The following TMEM214 variants were observed in gnomAD, a reference collection of about 807,000 sequenced individuals.
TMEM214 encodes the protein transmembrane protein 214.
Under a neutral mutation model 89.8 loss-of-function variants are expected in TMEM214, and 71 were observed. The ratio of observed to expected loss-of-function variants is 0.79; its 90% CI spans 0.65 to 0.96. The LOEUF is 0.96. Ranked by LOEUF, TMEM214 falls within the 40% of genes least tolerant of loss-of-function variation. The probability of loss-of-function intolerance (pLI) is 0.00; values close to 1 mark genes in which losing one functional copy is unlikely to be tolerated. For missense variants in TMEM214, 754 were observed against 843.4 expected, an observed-to-expected ratio of 0.89 and a Z score of 1.31; for synonymous variants, 332 against 349.5, an observed-to-expected ratio of 0.95 and a Z score of 0.56.
intron 13 of TMEM214, 91 bp downstream of exon 13, chr2:27,039,255 T>C: frequency 8.9e-7 from 1 of 1,123,648 alleles, no homozygotes; most frequent in Non-Finnish European, 1.3e-6. Context: ...AGCACACATC[T>C]TTGTCCTGAC....
chr2:27,036,727 T>A lies in TMEM214; in HGVS notation c.849T>A (p.Pro283=). Residue 283 remains proline (P), a synonymous_variant, in exon 7 of 17, where the codon CCT becomes CCA. Coordinates refer to ENST00000238788, the MANE Select transcript of TMEM214 (RefSeq NM_017727.5). Reference sequence around the variant, plus strand: ...CAGTGTGGCTGGGGATCATGCTGCCTGTGCTGGGCATCAAGTCTCTGTCTC... The same window carrying A: ...CAGTGTGGCTGGGGATCATGCTGCCAGTGCTGGGCATCAAGTCTCTGTCTC... The part of the protein sequence containing the change: ...GLKVWLGIML[P]VLGIKSLSPF... 1 of 1,614,182 alleles carries A rather than the reference T, an allele frequency of 6.2e-7. No homozygotes were observed. Among genetic ancestry groups the A allele is most frequent in the East Asian group, 2.2e-5 (1 of 44,886 alleles).
intron 2 of TMEM214, 191 bp downstream of exon 2, chr2:27,034,457 G>A: frequency 1.6e-6 from 1 of 639,974 alleles, no homozygotes. Context: ...AAAGGAAATG[G>A]AAAATTTATA....
rs763129736 is a variant in TMEM214, at chr2:27,036,031, T to G, written c.699T>G (p.Ile233Met). 7.5e-5 allele frequency: 121 copies of G among 1,614,050 alleles called. No individual in the cohort carries two copies. Among genetic ancestry groups the G allele is most frequent in the Non-Finnish European group, 1.0e-4 (118 of 1,180,036 alleles). The change falls in exon 5 of 17, where the codon ATT becomes ATG. Residue 233 changes from isoleucine to methionine, a missense_variant. Coordinates refer to ENST00000238788, the MANE Select transcript of TMEM214 (RefSeq NM_017727.5). ...CCATCCTGCAAGACAAGCCCAAGAT[T>G]GCCACGGCAAACCTAGGCAAGGTGA... ...IQAILQDKPK[I>M]ATANLGKFLE... is the part of the protein sequence containing the mutation.
chr2:27,033,087 C>T lies in TMEM214; in HGVS notation c.72C>T (p.Ala24=), dbSNP rs1667402655. Residue 24 remains alanine, a synonymous_variant, in exon 1 of 17, where the codon GCC becomes GCT. Transcript: ENST00000238788. The part of the protein sequence containing the change: ...VKKGRRPGVG[A]GAGGRGGGRN... ...AGGGTCGGCGGCCTGGGGTCGGCGC[C>T]GGCGCCGGCGGCCGAGGAGGCGGCA... 8.0e-7 allele frequency: 1 copy of T among 1,247,470 alleles called. No individual in the cohort carries two copies. The highest frequency in any genetic ancestry group is 1.0e-6 in the Non-Finnish European group (1 of 987,910). The allele number at this position is 1,247,470 out of a possible 1,614,324, so 77.3% of individuals were successfully genotyped here. A position where few individuals can be genotyped will look rare whatever the true frequency, so the allele number is the denominator to read the frequency against.
intron 13 of TMEM214, chr2:27,039,531 G>A (rs958023174): frequency 6.6e-6 from 4 of 607,860 alleles, no homozygotes; most frequent in South Asian, 2.0e-5. Context: ...GGCTCCAACC[G>A]GCAGCTGCAT....
rs760900172 is a variant in TMEM214, at chr2:27,038,312, G to A, written c.1244+75G>A. 185 of 1,572,860 alleles carry A rather than the reference G, an allele frequency of 1.2e-4. 1 individual carries two copies. Among genetic ancestry groups the A allele is most frequent in the Non-Finnish European group, 1.4e-4 (157 of 1,145,172 alleles). On this transcript the variant is annotated intron_variant, in intron 10 of 16. Coordinates refer to ENST00000238788, the MANE Select transcript of TMEM214 (RefSeq NM_017727.5). This position sits in a 1 kb window ranked among gnomAD's most constrained non-coding sequence, Gnocchi z 4.4. ...AGCCTGGGTCACTGTCCCATGGCCT[G>A]ACACCTTTCAGGCTGAGTGGGAACA... is the stretch of plus-strand genomic sequence containing the variant.
rs376407299 is a variant in TMEM214, at chr2:27,038,759, C to T, written c.1351C>T (p.Leu451=). Residue 451 remains leucine (L), a synonymous_variant, in exon 12 of 17, where the codon CTG becomes TTG. Transcript: ENST00000238788. This position sits in a 1 kb window ranked among gnomAD's most constrained non-coding sequence, Gnocchi z 4.4. ...CCTCAAGCTTACCAACCAGGAGCTG[C>T]TGAGGAAGGGTAGCAGTAACAACCA... ...QSLKLTNQEL[L]RKGSSNNQDV... 3.1e-4 allele frequency: 501 copies of T among 1,614,084 alleles called. 2 individuals carry two copies. Among genetic ancestry groups the T allele is most frequent in the Non-Finnish European group, 3.6e-4 (429 of 1,180,028 alleles).
chr2:27,040,838 GCC>G lies in TMEM214; in HGVS notation c.*3_*4del. The G allele has an allele frequency of 2.5e-6, 4 of 1,612,240 alleles. No homozygotes were observed. Among genetic ancestry groups the G allele is most frequent in the Non-Finnish European group, 3.4e-6 (4 of 1,178,452 alleles). The stretch of plus-strand genomic sequence containing the variant: ...ACTTGCCCTGATATCCCAGCAGTAG[GCC>G]CTGCCTTCCTGGCCACTGATTTCTG... On this transcript the variant is annotated 3_prime_UTR_variant, in exon 17 of 17. Coordinates refer to ENST00000238788, the MANE Select transcript of TMEM214 (RefSeq NM_017727.5).
chr2:27,040,323 C>T (rs1216690592), intron 15 of TMEM214, 22 bp from the exon 16 acceptor site: 106 of 1,613,680 alleles, frequency 6.6e-5, no homozygotes, highest in Non-Finnish European at 9.0e-5. Context: ...TACTCTGACC[C>T]CATCCATTCT....
Position 27,041,059 on chromosome 2 carries a change from C to A in TMEM214, c.*222C>A. 1.8e-6 allele frequency: 1 copy of A among 554,618 alleles called. No homozygotes were observed. Among genetic ancestry groups the A allele is most frequent in the Non-Finnish European group, 3.2e-6 (1 of 314,436 alleles). 34.4% of individuals were successfully genotyped at this position (554,618 alleles called of 1,614,324 possible). A position where few individuals can be genotyped will look rare whatever the true frequency, so the allele number is the denominator to read the frequency against. ...ACAATTCCACTGAACACTTTTCTGG[C>A]CCTACTGCACATGGCCCCCAGCCTC... On this transcript the variant is annotated 3_prime_UTR_variant, in exon 17 of 17. Coordinates refer to ENST00000238788, the MANE Select transcript of TMEM214 (RefSeq NM_017727.5).
At chr2:27,036,081 A>G in intron 5 of TMEM214, 29 bp downstream of exon 5, 5 of 1,607,954 alleles carry the variant, frequency 3.1e-6, no homozygotes, top group Non-Finnish European at 2.6e-6. Context: ...TGGGGATGCT[A>G]GGAAGCTAGG....
chr2:27,040,793 G>A lies in TMEM214; in HGVS notation c.2026G>A (p.Val676Met), dbSNP rs1667805248. 3 of 1,614,098 alleles carry A rather than the reference G, an allele frequency of 1.9e-6. No individual in the cohort carries two copies. The African/African-American group carries it at 4.0e-5, about 22-fold the overall frequency. Residue 676 changes from valine (V) to methionine (M), a missense_variant, in exon 17 of 17, where the codon GTG becomes ATG. Val to Met is a conservative substitution (Grantham distance 21). Transcript: ENST00000238788. Reference sequence around the variant, plus strand: ...CTGGCTTTGCCTACAGGACATTACAGTGGCTTTCTTGGACTGGGCACTTGC... The same window carrying A: ...CTGGCTTTGCCTACAGGACATTACAATGGCTTTCTTGGACTGGGCACTTGC... ...WTWLCLQDIT[V>M]AFLDWALALI...
At chr2:27,037,461 A>G (rs945695885) in intron 8 of TMEM214, 100 bp from the exon 9 acceptor site, 44 of 1,461,528 alleles carry the variant, frequency 3.0e-5, no homozygotes, top group Non-Finnish European at 3.8e-5. Flanking sequence ...CTCAGTGGCT[A>G]TTCCCCACAG....
chr2:27,039,216 A>G (rs749542881), intron 13 of TMEM214, 52 bp downstream of exon 13: 6 of 1,490,986 alleles, frequency 4.0e-6, no homozygotes, highest in Non-Finnish European at 5.6e-6. Context: ...GCACAGAGCT[A>G]CACGTAGCAC....
Position 27,035,713 on chromosome 2 carries a change from C to G in TMEM214, c.622C>G (p.Leu208Val), listed in dbSNP as rs1284306979. The G allele has an allele frequency of 6.2e-7, 1 of 1,614,058 alleles. No individual in the cohort carries two copies. The highest frequency in any genetic ancestry group is 2.2e-5 in the East Asian group (1 of 44,890). Residue 208 changes from leucine to valine, a missense_variant, in exon 4 of 17, where the codon CTG becomes GTG. Transcript: ENST00000238788. ...DHCLFTMLQE[L>V]DKTPGESLHG... ...CTGTCTGTTCACCATGTTGCAAGAG[C>G]TGGATAAGACACCAGGTGAAAGGGG...
chr2:27,036,327 G>A (rs751587566), intron 5 of TMEM214, among the ~76,000 whole-genome samples, 160 bp from the exon 6 acceptor site: 17 of 152,226 alleles, frequency 1.1e-4, no homozygotes, highest in African/African-American at 2.4e-4. Flanking sequence ...GAGTATGGGC[G>A]AAGCCCACAA....
intron 2 of TMEM214, 83 bp downstream of exon 2, chr2:27,034,349 A>G (rs1667456434): frequency 6.8e-7 from 1 of 1,464,172 alleles, no homozygotes; most frequent in African/African-American, 1.4e-5. Flanking sequence ...GTGGATGGGC[A>G]GCTGAGATCC....
rs754196588 is a variant in TMEM214 at position 27,041,115 on chromosome 2, C to T, written c.*278C>T. On this transcript the variant is annotated 3_prime_UTR_variant, in exon 17 of 17. Coordinates refer to ENST00000238788, the MANE Select transcript of TMEM214 (RefSeq NM_017727.5). ...TTGTGCTGGTAGCCTCTCACAACTC[C>T]GCCCTTGCCCTCTGCCTTCCACTTC... The T allele has an allele frequency of 1.6e-5, 6 of 385,020 alleles. No homozygotes were observed. In the South Asian group the frequency reaches 2.8e-4, roughly 18 times the overall value. The allele number at this position is 385,020 out of a possible 1,614,324, so 23.9% of individuals were successfully genotyped here. A position where few individuals can be genotyped will look rare whatever the true frequency, so the allele number is the denominator to read the frequency against.
intron 8 of TMEM214, 145 bp from the exon 9 acceptor site, chr2:27,037,416 C>A: frequency 9.3e-7 from 1 of 1,073,864 alleles, no homozygotes; most frequent in Admixed American, 2.1e-5. Context: ...TCCAAGGAGT[C>A]TCTGAGTAAA....
Sources: gnomAD v4.1 joint callset for allele counts (sites outside exome capture counted in the v4.1 genomes callset) on GRCh38, gnomAD v4.1.1 for gene constraint, Gnocchi (gnomAD v3.1) non-coding constraint, MANE v1.5 for transcripts, NCBI Gene and HGNC (gene_info 2026-07-23, HGNC 2026-07-21) for gene names.